The following CHMP1A variants were observed in gnomAD, a reference collection of about 807,000 sequenced individuals.
The protein encoded by CHMP1A is charged multivesicular body protein 1A.
CHMP1A carries 17 observed loss-of-function variants against 27.0 expected under a neutral mutation model. The observed-to-expected ratio is 0.63, with a 90% CI of 0.43 to 0.95. The LOEUF is 0.95. CHMP1A is among the 40% of genes least tolerant of loss of function. The pLI, the probability that CHMP1A is intolerant of heterozygous loss-of-function variation, is 0.00. For synonymous variants in CHMP1A, 131 were observed against 107.5 expected, an observed-to-expected ratio of 1.22 and a Z score of -1.35; for missense variants, 275 against 264.0, an observed-to-expected ratio of 1.04 and a Z score of -0.29.
intron 1 of CHMP1A, among the ~76,000 whole-genome samples, chr16:89,654,526 C>T (rs895925938): frequency 7.2e-5 from 11 of 152,240 alleles, no homozygotes; most frequent in African/African-American, 2.6e-4. Flanking sequence ...TGATTTCCAG[C>T]GGTACAGTCG....
intron 3 of CHMP1A, among the ~76,000 whole-genome samples, chr16:89,651,339 C>T (rs1398636098): frequency 6.6e-6 from 1 of 151,992 alleles, no homozygotes; most frequent in African/African-American, 2.4e-5. Context: ...CCTGTGCACT[C>T]CAGCCTGGGC....
Position 89,645,970 on chromosome 16 carries a change from C to G in CHMP1A, c.*96G>C. 1.2e-6 allele frequency: 2 copies of G among 1,611,736 alleles called. No homozygotes were observed. Among genetic ancestry groups the G allele is most frequent in the Non-Finnish European group, 1.7e-6 (2 of 1,179,318 alleles). ...CGCAGAGTGGCTGCCGGCCGCAGCC[C>G]CGCGGGGTCAGCACAAAGGCAAGAC... On this transcript the variant is annotated 3_prime_UTR_variant, in exon 7 of 7. Transcript: ENST00000397901.
rs763900642 is a variant in CHMP1A at position 89,645,980 on chromosome 16, A to T, written c.*86T>A. The T allele has an allele frequency of 6.2e-7, 1 of 1,612,436 alleles. No individual in the cohort carries two copies. Among genetic ancestry groups the T allele is most frequent in the South Asian group, 1.1e-5 (1 of 90,960 alleles). On this transcript the variant is annotated 3_prime_UTR_variant, in exon 7 of 7. Coordinates refer to ENST00000397901, the MANE Select transcript of CHMP1A (RefSeq NM_002768.5). ...CTGCCGGCCGCAGCCCCGCGGGGTC[A>T]GCACAAAGGCAAGACGCGGTGGGGA...
intron 3 of CHMP1A, among the ~76,000 whole-genome samples, chr16:89,650,675 G>A (rs569494332): frequency 2.6e-5 from 4 of 151,970 alleles, no homozygotes; most frequent in Admixed American, 1.3e-4. Context: ...GTGTGGTGGC[G>A]CATGCTTGTA....
Position 89,657,596 on chromosome 16 carries a change from A to G in CHMP1A, c.-8T>C, listed in dbSNP as rs1027644183. Reference sequence around the variant, plus strand: ...CGACCTCTTACCGTCCATGGCCACAATGACAGGAGCAGCACTCGGAGAGGG... The same window carrying G: ...CGACCTCTTACCGTCCATGGCCACAGTGACAGGAGCAGCACTCGGAGAGGG... On this transcript the variant is annotated 5_prime_UTR_variant, in exon 1 of 7. Coordinates refer to ENST00000397901, the MANE Select transcript of CHMP1A (RefSeq NM_002768.5). 6.2e-7 allele frequency: 1 copy of G among 1,611,278 alleles called. No individual in the cohort carries two copies. The highest frequency in any genetic ancestry group is 8.5e-7 in the Non-Finnish European group (1 of 1,179,252).
chr16:89,646,385 G>T lies in CHMP1A; in HGVS notation c.569+142C>A, dbSNP rs977237207. 3 of 991,402 alleles carry T rather than the reference G, an allele frequency of 3.0e-6. 1 individual carries two copies. Among genetic ancestry groups the T allele is most frequent in the African/African-American group, 3.3e-5 (2 of 61,232 alleles). 61.4% of individuals were successfully genotyped at this position (991,402 alleles called of 1,614,324 possible). A position where few individuals can be genotyped will look rare whatever the true frequency, so the allele number is the denominator to read the frequency against. On this transcript the variant is annotated intron_variant, in intron 6 of 6. Coordinates refer to ENST00000397901, the MANE Select transcript of CHMP1A (RefSeq NM_002768.5). ...GCTCGCTTGGGGGCGGCTGCAGCTG[G>T]GGCCTCTGAGTCGAGATCAGGGCTC...
intron 3 of CHMP1A, 122 bp from the exon 4 acceptor site, chr16:89,649,619 A>C: frequency 8.3e-7 from 1 of 1,204,228 alleles, no homozygotes; most frequent in Non-Finnish European, 1.2e-6. Flanking sequence ...TCTGTTGCCC[A>C]GGCTGGAGTG....
Position 89,645,586 on chromosome 16 carries a change from T to TCGGTG in CHMP1A, c.*479_*480insCACCG. 1 of 222,816 alleles carries TCGGTG rather than the reference T, an allele frequency of 4.5e-6. No homozygotes were observed. The highest frequency in any genetic ancestry group is 4.9e-5 in the South Asian group (1 of 20,292). 13.8% of individuals were successfully genotyped at this position (222,816 alleles called of 1,614,324 possible). ...CACCAGGACAGCGTTGGGTGGCACC[T>TCGGTG]GACATCCCCCAGCACACATAGACCT... is the stretch of plus-strand genomic sequence containing the variant. On this transcript the variant is annotated 3_prime_UTR_variant, in exon 7 of 7. Coordinates refer to ENST00000397901, the MANE Select transcript of CHMP1A (RefSeq NM_002768.5).
At chr16:89,650,626 C>T (rs1236207886) in intron 3 of CHMP1A, among the ~76,000 whole-genome samples, 1 of 152,024 alleles carries the variant, frequency 6.6e-6, no homozygotes, top group Non-Finnish European at 1.5e-5. Flanking sequence ...GCCAACACGG[C>T]GAAACCCCAT....
At position 89,645,376 on chromosome 16, in the gene CHMP1A, G is replaced by A. The variant is rs1253838706; in HGVS notation, c.*690C>T. On this transcript the variant is annotated 3_prime_UTR_variant, in exon 7 of 7. Coordinates refer to ENST00000397901, the MANE Select transcript of CHMP1A (RefSeq NM_002768.5). ...CCAGAGGCAGCAGCTGAGTGAGGAT[G>A]AAGACTGCAGGGTGGGCACACTTGA... 1 of 155,062 alleles carries A rather than the reference G, an allele frequency of 6.4e-6. No homozygotes were observed. 9.6% of individuals were successfully genotyped at this position (155,062 alleles called of 1,614,324 possible).
rs2151509920 is a variant in CHMP1A at position 89,644,658 on chromosome 16, C to G, written c.*1408G>C. 1 of 152,394 alleles carries G rather than the reference C, an allele frequency of 6.6e-6. No individual in the cohort carries two copies. Among genetic ancestry groups the G allele is most frequent in the South Asian group, 2.1e-4 (1 of 4,830 alleles). 9.4% of individuals were successfully genotyped at this position (152,394 alleles called of 1,614,324 possible). ...GGCTGGAGGGAACCACGTCTAGGAC[C>G]TACCAACACTAGCCCCTCCCTGGGG... On this transcript the variant is annotated 3_prime_UTR_variant, in exon 7 of 7. Transcript: ENST00000397901.
rs2151510530 is a variant in CHMP1A, at chr16:89,645,656, T to C, written c.*410A>G. On this transcript the variant is annotated 3_prime_UTR_variant, in exon 7 of 7. Transcript: ENST00000397901. Reference sequence around the variant, plus strand: ...TGTCTGTCCACATGGTGGGACCTCCTGCCCGCTGAGGTGGTGCGGAGAGGC... The same window carrying C: ...TGTCTGTCCACATGGTGGGACCTCCCGCCCGCTGAGGTGGTGCGGAGAGGC... 5 of 333,972 alleles carry C rather than the reference T, an allele frequency of 1.5e-5. 1 individual carries two copies. The highest frequency in any genetic ancestry group is 4.7e-5 in the South Asian group (2 of 42,288). 20.7% of individuals were successfully genotyped at this position (333,972 alleles called of 1,614,324 possible). A position where few individuals can be genotyped will look rare whatever the true frequency, so the allele number is the denominator to read the frequency against.
Position 89,644,976 on chromosome 16 carries a change from C to G in CHMP1A, c.*1090G>C, listed in dbSNP as rs1059960. 1 of 152,502 alleles carries G rather than the reference C, an allele frequency of 6.6e-6. No homozygotes were observed. Among genetic ancestry groups the G allele is most frequent in the Non-Finnish European group, 1.5e-5 (1 of 68,074 alleles). The allele number at this position is 152,502 out of a possible 1,614,324, so 9.4% of individuals were successfully genotyped here. The stretch of plus-strand genomic sequence containing the variant: ...ACAGCAGGCTGTGCCCAAAGCCTCT[C>G]TCAGCCTCCCAGCAAGTCCTTCCCA... On this transcript the variant is annotated 3_prime_UTR_variant, in exon 7 of 7. Coordinates refer to ENST00000397901, the MANE Select transcript of CHMP1A (RefSeq NM_002768.5).
At chr16:89,648,412 C>T (rs71279371) in intron 4 of CHMP1A, among the ~76,000 whole-genome samples, 1,257 of 39,848 alleles carry the variant, frequency 0.032, 305 homozygotes, top group Middle Eastern at 0.071. Context: ...GGGGACCCAG[C>T]GCGGGGTCGG....
chr16:89,651,729 C>T (rs986170240), intron 2 of CHMP1A, 83 bp from the exon 3 acceptor site: 33 of 1,366,916 alleles, frequency 2.4e-5, no homozygotes, highest in Non-Finnish European at 3.2e-5. Flanking sequence ...ACACCTGTGC[C>T]CACACCTGTG....
chr16:89,652,763 G>A (rs1023701537), intron 2 of CHMP1A, among the ~76,000 whole-genome samples: 2 of 152,092 alleles, frequency 1.3e-5, no homozygotes, highest in African/African-American at 2.4e-5. Context: ...AGCTGCATAC[G>A]GTAGCTCCGG....
intron 4 of CHMP1A, 113 bp from the exon 5 acceptor site, chr16:89,647,444 C>G (rs1206184372): frequency 1.1e-6 from 1 of 929,350 alleles, no homozygotes; most frequent in African/African-American, 1.7e-5. Flanking sequence ...CAACCCTGAC[C>G]CACAAAACCC....
In CHMP1A at chr16:89,651,109, G is replaced by A. The variant is rs530307484; in HGVS notation, c.105+460C>T. Among the ~76,000 whole-genome samples the A allele has an allele frequency of 2.0e-5, 3 of 152,230 alleles. No individual in the cohort carries two copies. In the South Asian group the frequency reaches 6.2e-4, roughly 32 times the overall value. ...TAGTGAGGATTAGGCTGGGCACAGT[G>A]GCTCATGCCTGCAATACCAGCACTT... is the stretch of plus-strand genomic sequence containing the variant. On this transcript the variant is annotated intron_variant, in intron 3 of 6. Coordinates refer to ENST00000397901, the MANE Select transcript of CHMP1A (RefSeq NM_002768.5).
At chr16:89,653,378 T>C (rs1215430016) in intron 2 of CHMP1A, among the ~76,000 whole-genome samples, 3 of 148,968 alleles carry the variant, frequency 2.0e-5, no homozygotes, top group Non-Finnish European at 3.0e-5. Context: ...CCCAGCACTT[T>C]AGGAGGCCGA....
Sources: allele counts gnomAD v4.1 joint callset (sites outside exome capture counted in the v4.1 genomes callset), GRCh38; gene constraint gnomAD v4.1.1; transcripts MANE v1.5; gene names NCBI Gene and HGNC (gene_info 2026-07-23, HGNC 2026-07-21).